Variants in ZNF782 observed in about 807,000 individuals in gnomAD.
The protein encoded by ZNF782 is zinc finger protein 782.
Under a neutral mutation model 13.0 loss-of-function variants are expected in ZNF782, and 12 were observed. The ratio of observed to expected loss-of-function variants is 0.92; its 90% CI spans 0.59 to 1.50. The LOEUF is 1.50. Among genes scored for constraint, ZNF782 ranks in the 40% most tolerant of loss-of-function variants. The probability of loss-of-function intolerance (pLI) is 0.00; values close to 1 mark genes in which losing one functional copy is unlikely to be tolerated. For synonymous variants in ZNF782, 284 were observed against 283.0 expected, an observed-to-expected ratio of 1.00 and a Z score of -0.04; for missense variants, 770 against 822.9, an observed-to-expected ratio of 0.94 and a Z score of 0.79.
At chr9:96,862,905 T>C (rs2118864587) in intron 1 of ZNF782, among the ~76,000 whole-genome samples, 1 of 152,290 alleles carries the variant, frequency 6.6e-6, no homozygotes, top group Middle Eastern at 3.4e-3. Context: ...GGTGGGTGGC[T>C]CTAGCTCTAG....
chr9:96,845,817 T>C (rs1460892450), intron 3 of ZNF782, among the ~76,000 whole-genome samples: 1 of 152,226 alleles, frequency 6.6e-6, no homozygotes, highest in Non-Finnish European at 1.5e-5. Context: ...CCTGGCTAGA[T>C]ATTTACATAT....
At chr9:96,828,184 G>C (rs1222960721) in intron 4 of ZNF782, among the ~76,000 whole-genome samples, 1 of 152,138 alleles carries the variant, frequency 6.6e-6, no homozygotes, top group African/African-American at 2.4e-5. Context: ...CACAAAGGCA[G>C]GAAGTTTATA....
the ZNF782 span, among the ~76,000 whole-genome samples, chr9:96,913,223 G>C: frequency 2.6e-5 from 4 of 152,048 alleles, no homozygotes; most frequent in Non-Finnish European, 5.9e-5. Context: ...GCTGAGGCAG[G>C]AGAACCACTT....
chr9:96,895,182 C>A, the ZNF782 span: 1 of 152,140 alleles, frequency 6.6e-6, no homozygotes, highest in Non-Finnish European at 1.5e-5. Flanking sequence ...GTAACTGGAT[C>A]CCAGGATGGC....
chr9:96,877,062 G>A (rs575023960), upstream of ZNF782, among the ~76,000 whole-genome samples: 5 of 150,660 alleles, frequency 3.3e-5, no homozygotes, highest in African/African-American at 1.2e-4. Flanking sequence ...CTTTACATGA[G>A]CACCTGTTGA....
intron 1 of ZNF782, among the ~76,000 whole-genome samples, chr9:96,868,059 T>C (rs1461925367): frequency 6.6e-6 from 1 of 152,238 alleles, no homozygotes; most frequent in African/African-American, 2.4e-5. Flanking sequence ...AACCTCGATG[T>C]TTTCTTGCAA....
At chr9:96,906,192 C>A in the ZNF782 span, among the ~76,000 whole-genome samples, 5 of 152,272 alleles carry the variant, frequency 3.3e-5, no homozygotes, top group South Asian at 1.0e-3. Context: ...ACATATACTA[C>A]TAATAATAAC....
chr9:96,902,428 A>G, the ZNF782 span, among the ~76,000 whole-genome samples: 1 of 136,568 alleles, frequency 7.3e-6, no homozygotes, highest in East Asian at 2.3e-4. Context: ...TCTCAAAAAA[A>G]AAAAAAAAAA....
At chr9:96,877,551 A>G (rs1451575601), upstream of ZNF782, among the ~76,000 whole-genome samples, 1 of 152,232 alleles carries the variant, frequency 6.6e-6, no homozygotes, top group Non-Finnish European at 1.5e-5. Context: ...CTCCGCCAAG[A>G]CTGGGGGCTT....
At chr9:96,845,330 C>T (rs188517939) in intron 3 of ZNF782, among the ~76,000 whole-genome samples, 9 of 152,254 alleles carry the variant, frequency 5.9e-5, no homozygotes, top group Admixed American at 2.0e-4. Context: ...GGTGCGATCT[C>T]GGCTCACTGC....
chr9:96,818,682 C>A lies in ZNF782; in HGVS notation c.1341G>T (p.Glu447Asp). 6.2e-7 allele frequency: 1 copy of A among 1,613,884 alleles called. No homozygotes were observed. Among genetic ancestry groups the A allele is most frequent in the Non-Finnish European group, 8.5e-7 (1 of 1,179,964 alleles). ...LRIHQRTHTG[E>D]KPFECHECGK... ...CACATTCATGACATTCGAATGGTTT[C>A]TCCCCTGTGTGGGTTCTCTGGTGTA... The change falls in exon 6 of 6, where the codon GAG (glutamate) becomes GAT (aspartate). Residue 447 changes from glutamate (E) to aspartate (D), a missense_variant. Physicochemically the swap from Glu to Asp is conservative, Grantham distance 45. Coordinates refer to ENST00000481138, the MANE Select transcript of ZNF782 (RefSeq NM_001001662.3).
At chr9:96,861,108 AG>A (rs1851698248) in intron 2 of ZNF782, among the ~76,000 whole-genome samples, 1 of 152,248 alleles carries the variant, frequency 6.6e-6, no homozygotes, top group South Asian at 2.1e-4. Context: ...ATTTTAAAAA[AG>A]ATTTAAATCA....
At chr9:96,820,325 G>T (rs774088188) in intron 5 of ZNF782, among the ~76,000 whole-genome samples, 2 of 152,218 alleles carry the variant, frequency 1.3e-5, no homozygotes, top group Admixed American at 1.3e-4. Flanking sequence ...CATCACAAAA[G>T]AAATTTATAA....
chr9:96,849,228 T>G (rs72745896), intron 3 of ZNF782, among the ~76,000 whole-genome samples: 1 of 152,312 alleles, frequency 6.6e-6, no homozygotes, highest in Non-Finnish European at 1.5e-5. Context: ...TTAGTTAGAT[T>G]CTCATAAGAA....
chr9:96,910,025 A>G, the ZNF782 span: 4 of 547,872 alleles, frequency 7.3e-6, no homozygotes, highest in Non-Finnish European at 1.4e-5. Flanking sequence ...GAGTCCCTGA[A>G]CTCTCGTTTT....
the ZNF782 span, among the ~76,000 whole-genome samples, chr9:96,923,872 C>T: frequency 1.3e-5 from 2 of 149,128 alleles, no homozygotes; most frequent in Admixed American, 6.6e-5. Context: ...GATGGAGTCT[C>T]GCTCCTGCCT....
At chr9:96,846,616 T>TA (rs1851346789) in intron 3 of ZNF782, among the ~76,000 whole-genome samples, 1 of 152,112 alleles carries the variant, frequency 6.6e-6, no homozygotes, top group Non-Finnish European at 1.5e-5. Flanking sequence ...CATATGATGA[T>TA]AAAAGGATCA....
At chr9:96,828,325 A>G (rs147439057) in intron 4 of ZNF782, among the ~76,000 whole-genome samples, 69 of 152,350 alleles carry the variant, frequency 4.5e-4, no homozygotes, top group Middle Eastern at 3.4e-3. Flanking sequence ...ACAAAGCTTA[A>G]AGTGTACCTT....
upstream of ZNF782, among the ~76,000 whole-genome samples, chr9:96,856,980 G>A (rs928866480): frequency 6.6e-6 from 1 of 152,188 alleles, no homozygotes; most frequent in African/African-American, 2.4e-5. Context: ...CTGCCATGCT[G>A]CTCTGCACAG....
Sources: allele counts gnomAD v4.1 joint callset (sites outside exome capture counted in the v4.1 genomes callset), GRCh38; gene constraint gnomAD v4.1.1; transcripts MANE v1.5; gene names NCBI Gene and HGNC (gene_info 2026-07-23, HGNC 2026-07-21).